The following FAM168A variants were observed in gnomAD, a reference collection of about 807,000 sequenced individuals.
The protein encoded by FAM168A is protein FAM168A.
A neutral mutation model predicts 28.5 loss-of-function variants in FAM168A; 3 were observed. The observed-to-expected ratio is 0.11, with a 90% CI of 0.05 to 0.27. FAM168A has a LOEUF of 0.27. Among genes scored for constraint, FAM168A ranks in the 10% least tolerant of loss-of-function variants. FAM168A has a pLI of 1.00. For synonymous variants in FAM168A, 122 were observed against 124.2 expected, an observed-to-expected ratio of 0.98 and a Z score of 0.12; for missense variants, 222 against 311.5, an observed-to-expected ratio of 0.71 and a Z score of 2.16.
chr11:73,495,847 T>C (rs1854863268), intron 1 of FAM168A, among the ~76,000 whole-genome samples: 1 of 152,218 alleles, frequency 6.6e-6, no homozygotes, highest in African/African-American at 2.4e-5. Context: ...GTGTAGCCAC[T>C]ATGGAAAACA....
intron 1 of FAM168A, among the ~76,000 whole-genome samples, chr11:73,592,319 C>A (rs1263936188): frequency 1.3e-5 from 2 of 152,146 alleles, no homozygotes; most frequent in Non-Finnish European, 2.9e-5. Flanking sequence ...AATAATGGCT[C>A]ATTTAATAAA....
chr11:73,513,010 G>T (rs1855254383), intron 1 of FAM168A, among the ~76,000 whole-genome samples: 1 of 152,054 alleles, frequency 6.6e-6, no homozygotes, highest in African/African-American at 2.4e-5. Flanking sequence ...TAAAGATATT[G>T]CCCTAGGGAA....
chr11:73,572,181 C>A (rs1217804039), intron 1 of FAM168A, among the ~76,000 whole-genome samples: 1 of 147,462 alleles, frequency 6.8e-6, no homozygotes, highest in African/African-American at 2.5e-5. Context: ...CCCTGCCCGG[C>A]CAGCCGCCCC....
chr11:73,592,508 C>T (rs907431313), intron 1 of FAM168A, among the ~76,000 whole-genome samples: 12 of 152,176 alleles, frequency 7.9e-5, no homozygotes, highest in African/African-American at 1.4e-4. Context: ...TTTCTGTTAA[C>T]GTACCAGGGG....
At chr11:73,512,287 T>C (rs576717606) in intron 1 of FAM168A, among the ~76,000 whole-genome samples, 1 of 152,312 alleles carries the variant, frequency 6.6e-6, no homozygotes, top group South Asian at 2.1e-4. Context: ...GGTATTATTA[T>C]ACCTACATTT....
intron 1 of FAM168A, among the ~76,000 whole-genome samples, chr11:73,516,715 T>C (rs1590827790): frequency 6.6e-6 from 1 of 152,228 alleles, no homozygotes; most frequent in South Asian, 2.1e-4. Flanking sequence ...GAGTGTCTCA[T>C]GGGCAATTCA....
intron 2 of FAM168A, among the ~76,000 whole-genome samples, chr11:73,436,051 A>G (rs143678663): frequency 2.6e-5 from 4 of 152,172 alleles, no homozygotes; most frequent in African/African-American, 9.7e-5. Flanking sequence ...CCCCTTTTGT[A>G]TTTGTATTTT....
intron 1 of FAM168A, among the ~76,000 whole-genome samples, chr11:73,528,925 C>T (rs1445264300): frequency 2.6e-5 from 4 of 152,054 alleles, no homozygotes; most frequent in African/African-American, 4.8e-5. Context: ...AAGAAACCTG[C>T]CAGAGCAAGA....
At chr11:73,578,095 CATT>C in intron 1 of FAM168A, among the ~76,000 whole-genome samples, 1 of 152,294 alleles carries the variant, frequency 6.6e-6, no homozygotes, top group East Asian at 1.9e-4. Context: ...ATGCAAGAGA[CATT>C]ATGCTAGGCT....
intron 1 of FAM168A, among the ~76,000 whole-genome samples, chr11:73,499,987 G>A (rs781339128): frequency 6.6e-6 from 1 of 152,128 alleles, no homozygotes; most frequent in Non-Finnish European, 1.5e-5. Flanking sequence ...AAACTAGCAA[G>A]AGAGGCCAAC....
intron 4 of FAM168A, among the ~76,000 whole-genome samples, chr11:73,412,695 G>A (rs933002016): frequency 1.3e-5 from 2 of 152,128 alleles, no homozygotes; most frequent in African/African-American, 2.4e-5. Context: ...TAAGTTGAAG[G>A]GACAGTGCCT....
At chr11:73,424,162 C>T (rs776321262) in intron 3 of FAM168A, among the ~76,000 whole-genome samples, 3 of 152,200 alleles carry the variant, frequency 2.0e-5, no homozygotes, top group African/African-American at 7.2e-5. Context: ...CAAGATCACA[C>T]AGCCCACAGC....
chr11:73,439,359 G>C (rs1423334011), intron 2 of FAM168A, among the ~76,000 whole-genome samples: 3 of 152,176 alleles, frequency 2.0e-5, no homozygotes, highest in Admixed American at 6.5e-5. Context: ...TGCATCTTCA[G>C]AGAAAGCATA....
rs565029045 is a variant in FAM168A at position 73,415,824 on chromosome 11, G to A, written c.277+4050C>T. Among the ~76,000 whole-genome samples the A allele has an allele frequency of 2.6e-5, 4 of 152,350 alleles. No individual in the cohort carries two copies. The South Asian group carries it at 6.2e-4, about 24-fold the overall frequency. On this transcript the variant is annotated intron_variant, in intron 4 of 7. Coordinates refer to ENST00000356467, the MANE Select transcript of FAM168A (RefSeq NM_015159.3). Reference sequence around the variant, plus strand: ...CACTCACTGGAGGCCTGGCTATCCTGAAAGGAATTCTAAGTCTGAAGGTCA... The same window carrying A: ...CACTCACTGGAGGCCTGGCTATCCTAAAAGGAATTCTAAGTCTGAAGGTCA...
chr11:73,497,194 C>T (rs1426039000), intron 1 of FAM168A, among the ~76,000 whole-genome samples: 1 of 152,128 alleles, frequency 6.6e-6, no homozygotes, highest in Non-Finnish European at 1.5e-5. Context: ...CGGCCAGGCA[C>T]GGTGGCTCAT....
At chr11:73,548,744 G>T (rs1192224819) in intron 1 of FAM168A, among the ~76,000 whole-genome samples, 2 of 152,086 alleles carry the variant, frequency 1.3e-5, no homozygotes, top group African/African-American at 2.4e-5. Context: ...GGGCTCAAGT[G>T]ATCCTCCTGC....
At chr11:73,476,679 TA>T (rs1041367367) in intron 1 of FAM168A, among the ~76,000 whole-genome samples, 7 of 151,082 alleles carry the variant, frequency 4.6e-5, no homozygotes, top group Admixed American at 1.3e-4. Context: ...TTACAAATGT[TA>T]AAAAAAAACT....
intron 1 of FAM168A, chr11:73,580,488 G>C: frequency 3.2e-6 from 2 of 619,280 alleles, no homozygotes; most frequent in South Asian, 1.4e-5. Context: ...ACAGACCAGG[G>C]ACAGAAAGCT....
chr11:73,462,545 A>T (rs1408382737), intron 2 of FAM168A, among the ~76,000 whole-genome samples: 1 of 152,212 alleles, frequency 6.6e-6, no homozygotes, highest in African/African-American at 2.4e-5. Flanking sequence ...GCAAAACAAT[A>T]TGAATGTACT....
Sources: allele counts gnomAD v4.1 joint callset (sites outside exome capture counted in the v4.1 genomes callset), GRCh38; gene constraint gnomAD v4.1.1; transcripts MANE v1.5; gene names NCBI Gene and HGNC (gene_info 2026-07-23, HGNC 2026-07-21).